Variants in PML observed in about 807,000 individuals in gnomAD.
The protein encoded by PML is protein PML.
In PML, 28 loss-of-function variants were observed where a neutral mutation model predicts 65.2. The ratio of observed to expected loss-of-function variants is 0.43; its 90% CI spans 0.32 to 0.59. The LOEUF (loss-of-function observed/expected upper bound fraction) is 0.59, where lower values mean the gene tolerates loss of function less well. Ranked by LOEUF, PML falls within the 20% of genes least tolerant of loss-of-function variation. PML has a pLI of 0.08. For synonymous variants in PML, 500 were observed against 508.8 expected, an observed-to-expected ratio of 0.98 and a Z score of 0.23; for missense variants, 1,021 against 1,203.4, an observed-to-expected ratio of 0.85 and a Z score of 2.24.
chr15:74,017,897 G>C (rs1201387542), intron 2 of PML, among the ~76,000 whole-genome samples: 4 of 152,100 alleles, frequency 2.6e-5, no homozygotes, highest in African/African-American at 7.2e-5. Context: ...GCACTTTTGG[G>C]GCCAAGGTGG....
At chr15:74,009,054 G>C (rs930334721) in intron 2 of PML, among the ~76,000 whole-genome samples, 1 of 152,136 alleles carries the variant, frequency 6.6e-6, no homozygotes, top group African/African-American at 2.4e-5. Flanking sequence ...CAGAGATGGA[G>C]GGGTGTGGAG....
rs1240614639 is a variant in PML at position 74,035,613 on chromosome 15, G to A, written c.1710+1083G>A. On this transcript the variant is annotated intron_variant, in intron 7 of 8. Transcript: ENST00000268058. This position sits in a 1 kb window ranked among gnomAD's most constrained non-coding sequence, Gnocchi z 4.1. ...GGAACATCCTGCCCAGCTGCAAAGGGGCATCAGCCCACCCCACCGGATACG... is the reference window on the plus strand; with the variant it reads ...GGAACATCCTGCCCAGCTGCAAAGGAGCATCAGCCCACCCCACCGGATACG... 6.2e-7 allele frequency: 1 copy of A among 1,613,138 alleles called. No homozygotes were observed. The highest frequency in any genetic ancestry group is 1.7e-5 in the Admixed American group (1 of 59,998).
chr15:74,042,985 GCAGTCCT>G lies in PML; in HGVS notation c.1711-2_1715del. Reference sequence around the variant, plus strand: ...CCCTGACGCTTGGTTTTTCTGTGTTGCAGTCCTCCCGAGAGCTGGATGACAGCAGCAG... The same window carrying G: ...CCCTGACGCTTGGTTTTTCTGTGTTGCCCGAGAGCTGGATGACAGCAGCAG... On this transcript the variant is annotated splice_acceptor_variant and splice_polypyrimidine_tract_variant and coding_sequence_variant and intron_variant, in exon 8 of 9. Transcript: ENST00000268058. LOFTEE classifies it high-confidence loss of function. This position sits in a 1 kb window ranked among gnomAD's most constrained non-coding sequence, Gnocchi z 5.3. 2 of 1,613,532 alleles carry G rather than the reference GCAGTCCT, an allele frequency of 1.2e-6. No homozygotes were observed. Among genetic ancestry groups the G allele is most frequent in the Non-Finnish European group, 1.7e-6 (2 of 1,179,930 alleles).
intron 4 of PML, chr15:74,028,400 C>T (rs1341064307): frequency 6.8e-6 from 1 of 147,952 alleles, no homozygotes; most frequent in East Asian, 2.0e-4. Context: ...TTTGCAGAGC[C>T]AGACACAGAA....
At chr15:74,038,277 C>T (rs559873135) in intron 7 of PML, among the ~76,000 whole-genome samples, 5 of 152,088 alleles carry the variant, frequency 3.3e-5, no homozygotes, top group Admixed American at 3.3e-4. Flanking sequence ...AGAGGGACCC[C>T]AGCAATATTG....
intron 7 of PML, chr15:74,036,909 C>T (rs929760649): frequency 1.0e-6 from 1 of 984,208 alleles, no homozygotes; most frequent in African/African-American, 1.7e-5. Context: ...TGACCGCAGC[C>T]TCCTGTTCCT....
chr15:74,043,365 C>T lies in PML; in HGVS notation c.1861+226C>T. The T allele has an allele frequency of 6.9e-7, 1 of 1,439,932 alleles. No homozygotes were observed. Among genetic ancestry groups the T allele is most frequent in the Non-Finnish European group, 9.1e-7 (1 of 1,104,006 alleles). 89.2% of individuals were successfully genotyped at this position (1,439,932 alleles called of 1,614,324 possible). On this transcript the variant is annotated intron_variant, in intron 8 of 8. Transcript: ENST00000268058. The surrounding 1 kb of genome is among the most constrained non-coding windows in gnomAD (Gnocchi z 4.3). Reference sequence around the variant, plus strand: ...CCAGTGCCTGAGTGTGCGAGAGAGGCAGATGCCTCCACAAGTGCACCTCTG... The same window carrying T: ...CCAGTGCCTGAGTGTGCGAGAGAGGTAGATGCCTCCACAAGTGCACCTCTG...
At chr15:74,044,175 C>T (rs2071744042) in intron 8 of PML, 46 bp from the exon 9 acceptor site, 2 of 1,594,316 alleles carry the variant, frequency 1.3e-6, no homozygotes, top group African/African-American at 2.7e-5. Context: ...CACCCCAGAG[C>T]TCTCTGTGAC....
At position 74,033,248 on chromosome 15, in the gene PML, G is replaced by A; in HGVS notation, c.1491G>A (p.Lys497=). 6.2e-7 allele frequency: 1 copy of A among 1,614,244 alleles called. No individual in the cohort carries two copies. Among genetic ancestry groups the A allele is most frequent in the East Asian group, 2.2e-5 (1 of 44,888 alleles). The change falls in exon 6 of 9, where the codon AAG becomes AAA. Residue 497 remains lysine (K), a synonymous_variant. Coordinates refer to ENST00000268058, the MANE Select transcript of PML (RefSeq NM_033238.3). ...KVIKMESEEG[K]EARLARSSPE... is the part of the protein sequence containing the mutation. ...TCAAGATGGAGTCTGAGGAGGGGAA[G>A]GAGGCAAGGTTGGCTCGGAGCTCCC...
chr15:74,039,390 C>T (rs1189684212), intron 7 of PML, among the ~76,000 whole-genome samples: 1 of 152,210 alleles, frequency 6.6e-6, no homozygotes, highest in African/African-American at 2.4e-5. Flanking sequence ...AGAAAGATAG[C>T]AATGCATGTG....
In PML at chr15:73,994,957, G is replaced by A. The variant is rs940139912; in HGVS notation, c.129+16G>A. The A allele has an allele frequency of 3.9e-6, 6 of 1,525,700 alleles. No individual in the cohort carries two copies. In the African/African-American group the frequency reaches 5.6e-5, roughly 14 times the overall value. The allele number at this position is 1,525,700 out of a possible 1,614,324, so 94.5% of individuals were successfully genotyped here. ...CCCTACAGAGGTACTATTGGGTTAG[G>A]GGATGATGGGGTTAAGCTTTGTTGG... On this transcript the variant is annotated intron_variant, in intron 1 of 8. Coordinates refer to ENST00000268058, the MANE Select transcript of PML (RefSeq NM_033238.3).
rs2071717514 is a variant in PML, at chr15:74,042,483, G to C, written c.1711-506G>C. The C allele has an allele frequency of 1.0e-6, 1 of 985,302 alleles. No homozygotes were observed. The highest frequency in any genetic ancestry group is 1.7e-5 in the African/African-American group (1 of 57,236). 61.0% of individuals were successfully genotyped at this position (985,302 alleles called of 1,614,324 possible). A position where few individuals can be genotyped will look rare whatever the true frequency, so the allele number is the denominator to read the frequency against. The stretch of plus-strand genomic sequence containing the variant: ...GCTTCTTTCTCCCGTCCCAAGTTTT[G>C]GTGTTTCTTCTGAGTCTGCTCAGAA... On this transcript the variant is annotated intron_variant, in intron 7 of 8. Transcript: ENST00000268058. The surrounding 1 kb of genome is among the most constrained non-coding windows in gnomAD (Gnocchi z 5.3).
At chr15:74,002,041 T>C (rs1427221868) in intron 2 of PML, among the ~76,000 whole-genome samples, 1 of 151,804 alleles carries the variant, frequency 6.6e-6, no homozygotes, top group Non-Finnish European at 1.5e-5. Flanking sequence ...TCTTGAAAAG[T>C]TTTAGAGAAT....
chr15:74,034,815 G>T, intron 7 of PML: 2 of 1,437,556 alleles, frequency 1.4e-6, no homozygotes, highest in Non-Finnish European at 1.8e-6. Context: ...TTTGTCTGGA[G>T]CTTCCTTATG....
chr15:73,996,330 C>T (rs935647655), intron 1 of PML, among the ~76,000 whole-genome samples: 29 of 152,298 alleles, frequency 1.9e-4, no homozygotes, highest in African/African-American at 5.8e-4. Flanking sequence ...AGATTACCAG[C>T]GGAAAACCCA....
chr15:74,014,393 G>A (rs371055317), intron 2 of PML, among the ~76,000 whole-genome samples: 42 of 151,870 alleles, frequency 2.8e-4, no homozygotes, highest in African/African-American at 1.9e-4. Flanking sequence ...GCGCAGTGGC[G>A]TGATCTCAGC....
At chr15:74,036,964 C>T (rs939648028) in intron 7 of PML, 11 of 985,354 alleles carry the variant, frequency 1.1e-5, no homozygotes, top group Non-Finnish European at 1.2e-5. Context: ...CCCGCGCACT[C>T]CCCATTTCAT....
intron 3 of PML, 39 bp from the exon 4 acceptor site, chr15:74,024,818 T>C: frequency 6.8e-7 from 1 of 1,474,926 alleles, no homozygotes; most frequent in Non-Finnish European, 9.5e-7. Context: ...CTTACCAGCA[T>C]GTCCTTGACC....
At chr15:73,995,897 G>A (rs557307640) in intron 1 of PML, among the ~76,000 whole-genome samples, 8 of 152,032 alleles carry the variant, frequency 5.3e-5, no homozygotes, top group Admixed American at 4.6e-4. Flanking sequence ...TGGGATTACA[G>A]GCCACGCCAC....
Sources: allele counts gnomAD v4.1 joint callset (sites outside exome capture counted in the v4.1 genomes callset), GRCh38; gene constraint gnomAD v4.1.1; non-coding constraint Gnocchi (gnomAD v3.1); transcripts MANE v1.5; gene names NCBI Gene and HGNC (gene_info 2026-07-23, HGNC 2026-07-21).